The following ZC3H12B variants were observed in gnomAD, a reference collection of about 807,000 sequenced individuals.
ZC3H12B encodes the protein zinc finger CCCH-type containing 12B.
ZC3H12B carries 7 observed loss-of-function variants against 43.9 expected under a neutral mutation model. The observed-to-expected ratio is 0.16, with a 90% CI of 0.09 to 0.30. ZC3H12B has a LOEUF of 0.30. Ranked by LOEUF, ZC3H12B falls within the 10% of genes least tolerant of loss-of-function variation. ZC3H12B has a pLI of 1.00. For missense variants in ZC3H12B, 475 were observed against 670.2 expected, an observed-to-expected ratio of 0.71 and a Z score of 3.22; for synonymous variants, 222 against 241.7, an observed-to-expected ratio of 0.92 and a Z score of 0.76.
chrX:65,055,204 A>G, the ZC3H12B span, among the ~76,000 whole-genome samples: 1 of 111,579 alleles, frequency 9.0e-6, no homozygotes, highest in Admixed American at 9.5e-5. Context: ...CCCATTCAGT[A>G]TGATATTGGC....
chrX:65,435,290 A>G (rs991105632), intron 3 of ZC3H12B, among the ~76,000 whole-genome samples: 1 of 112,121 alleles, frequency 8.9e-6, no homozygotes, highest in African/African-American at 3.2e-5. Context: ...CACTTCATCC[A>G]GCAACATTAG....
chrX:65,120,500 T>C, the ZC3H12B span, among the ~76,000 whole-genome samples: 1 of 112,009 alleles, frequency 8.9e-6, no homozygotes, highest in Non-Finnish European at 1.9e-5. Context: ...GTTGATTTTG[T>C]ATCCTGAGAC....
At chrX:65,443,892 G>A (rs1336955333) in intron 3 of ZC3H12B, among the ~76,000 whole-genome samples, 2 of 112,515 alleles carry the variant, frequency 1.8e-5, no homozygotes, top group Non-Finnish European at 3.8e-5. Flanking sequence ...ATCTATGTGT[G>A]TTCTTACAGG....
chrX:65,383,589 C>T (rs1423787671), intron 2 of ZC3H12B, among the ~76,000 whole-genome samples: 2 of 111,166 alleles, frequency 1.8e-5, no homozygotes, highest in East Asian at 2.8e-4. Flanking sequence ...CAACAAAAGC[C>T]AAAATTGACA....
chrX:65,081,658 GAGAT>G, the ZC3H12B span, among the ~76,000 whole-genome samples: 6 of 111,764 alleles, frequency 5.4e-5, no homozygotes, highest in Admixed American at 5.7e-4. Flanking sequence ...GGTAATGAGA[GAGAT>G]AGACCTCAAT....
intron 2 of ZC3H12B, among the ~76,000 whole-genome samples, chrX:65,395,818 G>A (rs1199765220): frequency 9.0e-6 from 1 of 111,645 alleles, no homozygotes; most frequent in African/African-American, 3.3e-5. Flanking sequence ...TCTGGTCCTG[G>A]CCTTTCTTTT....
the ZC3H12B span, among the ~76,000 whole-genome samples, chrX:65,103,937 C>T: frequency 1.8e-5 from 2 of 110,773 alleles, no homozygotes; most frequent in Admixed American, 9.6e-5. Flanking sequence ...TCATATGGAA[C>T]CATAAAAGAG....
At chrX:65,192,196 T>G in the ZC3H12B span, among the ~76,000 whole-genome samples, 1 of 110,200 alleles carries the variant, frequency 9.1e-6, no homozygotes, top group African/African-American at 3.3e-5. Context: ...TCTTTTACAT[T>G]TGCTGAGGAG....
chrX:65,344,831 A>G, the ZC3H12B span, among the ~76,000 whole-genome samples: 2 of 112,603 alleles, frequency 1.8e-5, no homozygotes, highest in African/African-American at 6.4e-5. Context: ...AAGTTCTAAT[A>G]TCCAGAATCT....
At chrX:65,485,208 A>C (rs2068109228), upstream of ZC3H12B, among the ~76,000 whole-genome samples, 1 of 112,242 alleles carries the variant, frequency 8.9e-6, no homozygotes, top group Non-Finnish European at 1.9e-5. Context: ...AGTCTTTAAT[A>C]CATTCATTTG....
chrX:65,214,995 C>G, the ZC3H12B span, among the ~76,000 whole-genome samples: 5 of 111,507 alleles, frequency 4.5e-5, no homozygotes, highest in Non-Finnish European at 7.5e-5. Flanking sequence ...GGTGCATTGT[C>G]AATGAGCAGT....
At chrX:65,105,915 A>C in the ZC3H12B span, among the ~76,000 whole-genome samples, 1 of 111,737 alleles carries the variant, frequency 8.9e-6, no homozygotes, top group Admixed American at 9.5e-5. Flanking sequence ...GAGTCTGCTG[A>C]GAAGAGCTCT....
chrX:65,417,796 G>T (rs2066977767), intron 3 of ZC3H12B, among the ~76,000 whole-genome samples: 1 of 112,821 alleles, frequency 8.9e-6, no homozygotes, highest in African/African-American at 3.2e-5. Context: ...TTTCAGGAGA[G>T]AATGGGACTC....
upstream of ZC3H12B, among the ~76,000 whole-genome samples, chrX:65,484,474 C>A (rs2068101249): frequency 9.0e-6 from 1 of 111,647 alleles, no homozygotes; most frequent in South Asian, 3.7e-4. Context: ...TTATCTGGGC[C>A]CACCAGAAAT....
At chrX:65,138,697 C>T in the ZC3H12B span, among the ~76,000 whole-genome samples, 1 of 111,855 alleles carries the variant, frequency 8.9e-6, no homozygotes, top group Non-Finnish European at 1.9e-5. Flanking sequence ...TAATTTGTTT[C>T]TCCCCAACAG....
intron 2 of ZC3H12B, among the ~76,000 whole-genome samples, chrX:65,379,041 G>A (rs1036980382): frequency 9.8e-5 from 11 of 112,145 alleles, no homozygotes; most frequent in African/African-American, 3.2e-4. Context: ...AGGGGTGCCC[G>A]CAATTGCCCA....
the ZC3H12B span, among the ~76,000 whole-genome samples, chrX:65,195,771 C>T: frequency 3.6e-5 from 4 of 111,901 alleles, no homozygotes; most frequent in South Asian, 1.5e-3. Context: ...AACATGTTTA[C>T]TTATATGGGC....
At chrX:65,281,412 G>C in the ZC3H12B span, among the ~76,000 whole-genome samples, 1 of 110,114 alleles carries the variant, frequency 9.1e-6, no homozygotes, top group Non-Finnish European at 1.9e-5. Context: ...TTTTAGACAG[G>C]GTTACGTCAT....
At chrX:65,279,892 C>T in the ZC3H12B span, among the ~76,000 whole-genome samples, 2 of 111,742 alleles carry the variant, frequency 1.8e-5, no homozygotes, top group Admixed American at 9.4e-5. Context: ...ACAAACAACC[C>T]CAATAAAAAG....
Sources: gnomAD v4.1 joint callset for allele counts (sites outside exome capture counted in the v4.1 genomes callset) on GRCh38, gnomAD v4.1.1 for gene constraint, MANE v1.5 for transcripts, NCBI Gene and HGNC (gene_info 2026-07-23, HGNC 2026-07-21) for gene names.